NOX5: variants seen among roughly 807,000 people sequenced by gnomAD.
The protein encoded by NOX5 is NADPH oxidase 5.
A neutral mutation model predicts 85.7 loss-of-function variants in NOX5; 76 were observed. The ratio of observed to expected loss-of-function variants is 0.89; its 90% CI spans 0.74 to 1.07. NOX5 has a LOEUF of 1.07. Ranked by LOEUF, NOX5 falls within the 50% of genes least tolerant of loss-of-function variation. The probability of loss-of-function intolerance (pLI) is 0.00; values close to 1 mark genes in which losing one functional copy is unlikely to be tolerated. For synonymous variants in NOX5, 405 were observed against 401.4 expected, an observed-to-expected ratio of 1.01 and a Z score of -0.11; for missense variants, 973 against 999.5, an observed-to-expected ratio of 0.97 and a Z score of 0.36.
At chr15:69,036,191 G>A (rs972653761) in intron 7 of NOX5, among the ~76,000 whole-genome samples, 2 of 152,164 alleles carry the variant, frequency 1.3e-5, no homozygotes, top group African/African-American at 4.8e-5. Context: ...ATTAAGTTGG[G>A]CTTAAAACAG....
rs774389114 is a variant in NOX5, at chr15:69,055,374, G to A, written c.2040G>A (p.Leu680=). ...TGCATATGTACATGACATCTGCACTGGGCAAGAATGACATGAAGGCCATTG... is the reference window on the plus strand; with the variant it reads ...TGCATATGTACATGACATCTGCACTAGGCAAGAATGACATGAAGGCCATTG... ...LELHMYMTSA[L]GKNDMKAIGL... is the part of the protein sequence containing the mutation. The change falls in exon 15 of 16, where the codon CTG becomes CTA. Residue 680 remains leucine, a synonymous_variant. Transcript: ENST00000388866. The A allele has an allele frequency of 1.9e-6, 3 of 1,614,064 alleles. No homozygotes were observed. Among genetic ancestry groups the A allele is most frequent in the Non-Finnish European group, 2.5e-6 (3 of 1,180,046 alleles).
Position 69,037,053 on chromosome 15 carries a change from A to G in NOX5, c.1214A>G (p.Tyr405Cys). The change falls in exon 8 of 16, where the codon TAC becomes TGC. Residue 405 changes from tyrosine to cysteine, a missense_variant. By Grantham distance (194) the Tyr-to-Cys change is radical. Transcript: ENST00000388866. ...FEVFYWTHLSYLLVWLLLIFH... is the reference protein window; with the variant it reads ...FEVFYWTHLSCLLVWLLLIFH... ...GTGTTCTATTGGACTCACCTGTCCT[A>G]CCTCCTCGTGTGGCTTCTGCTCATC... The G allele has an allele frequency of 6.2e-7, 1 of 1,611,470 alleles. No individual in the cohort carries two copies. Among genetic ancestry groups the G allele is most frequent in the Non-Finnish European group, 8.5e-7 (1 of 1,179,212 alleles).
At chr15:69,044,928 T>A (rs924128049) in intron 10 of NOX5, among the ~76,000 whole-genome samples, 1 of 152,372 alleles carries the variant, frequency 6.6e-6, no homozygotes, top group Admixed American at 6.5e-5. Context: ...TCCAAGGATG[T>A]CACTGGAGCT....
At chr15:69,050,547 C>T (rs529164483) in intron 14 of NOX5, among the ~76,000 whole-genome samples, 4 of 152,256 alleles carry the variant, frequency 2.6e-5, no homozygotes, top group South Asian at 2.1e-4. Context: ...CCCGCCTCCA[C>T]GCCAGGCTAA....
intron 10 of NOX5, among the ~76,000 whole-genome samples, chr15:69,045,173 A>T (rs1567104766): frequency 1.3e-5 from 2 of 152,226 alleles, no homozygotes; most frequent in Admixed American, 6.5e-5. Context: ...ATGACACATC[A>T]CTTGGATGTC....
intron 10 of NOX5, among the ~76,000 whole-genome samples, chr15:69,045,539 T>TCTTTCTTTCTTTCTTTCTTTCTTTCTTC (rs2050654463): frequency 2.4e-5 from 3 of 122,466 alleles, no homozygotes; most frequent in African/African-American, 1.1e-4. Flanking sequence ...CTTTCTTTTT[T>TCTTTCTTTCTTTCTTTCTTTCTTTCTTC]CTTTCTTTCT....
At chr15:69,049,200 T>G (rs2050716336) in intron 14 of NOX5, 142 bp downstream of exon 14, 2 of 474,408 alleles carry the variant, frequency 4.2e-6, no homozygotes, top group Non-Finnish European at 7.2e-6. Flanking sequence ...GTCTTTTTTT[T>G]TTTTTTTTTG....
At position 69,048,960 on chromosome 15, in the gene NOX5, T is replaced by A. The variant is rs1384590011; in HGVS notation, c.1901T>A (p.Val634Glu). Residue 634 changes from valine (V) to glutamate (E), a missense_variant and splice_region_variant, in exon 14 of 16, where the codon GTG becomes GAG. Transcript: ENST00000388866. ...GVQDNMKLHK[V>E]DFIWINRDQR... ...GAGCTGAAGGGCCTCTCTCCGTAGG[T>A]GGACTTTATCTGGATCAACAGAGAC... The A allele has an allele frequency of 6.2e-7, 1 of 1,610,522 alleles. No individual in the cohort carries two copies. The highest frequency in any genetic ancestry group is 1.7e-5 in the Admixed American group (1 of 59,820).
In NOX5 at chr15:69,057,941, A is replaced by C. The variant is rs1190736180; in HGVS notation, c.*1245A>C. ...CAGAGGCAGCAAAGGCTCTCTCAGCACATACTGTGGGGAGGAGCGGCCCTG... is the reference window on the plus strand; with the variant it reads ...CAGAGGCAGCAAAGGCTCTCTCAGCCCATACTGTGGGGAGGAGCGGCCCTG... On this transcript the variant is annotated 3_prime_UTR_variant, in exon 16 of 16. Coordinates refer to ENST00000388866, the MANE Select transcript of NOX5 (RefSeq NM_024505.4). The C allele has an allele frequency of 6.6e-6, 1 of 152,344 alleles. No individual in the cohort carries two copies. Among genetic ancestry groups the C allele is most frequent in the African/African-American group, 2.4e-5 (1 of 41,452 alleles). The allele number at this position is 152,344 out of a possible 1,614,324, so 9.4% of individuals were successfully genotyped here.
At chr15:69,048,220 C>G (rs568154502) in intron 13 of NOX5, among the ~76,000 whole-genome samples, 9 of 152,300 alleles carry the variant, frequency 5.9e-5, no homozygotes, top group African/African-American at 2.2e-4. Context: ...TATCCATGAC[C>G]CTATGGTGGT....
intron 12 of NOX5, 146 bp downstream of exon 12, chr15:69,047,683 C>T: frequency 7.5e-7 from 1 of 1,332,468 alleles, no homozygotes. Flanking sequence ...TGCTCTGCCC[C>T]CCTCTCCTTT....
At chr15:69,045,317 A>T (rs969624140) in intron 10 of NOX5, among the ~76,000 whole-genome samples, 3 of 152,254 alleles carry the variant, frequency 2.0e-5, no homozygotes, top group Non-Finnish European at 4.4e-5. Flanking sequence ...AAGTCATAAG[A>T]TTATTATCTC....
chr15:69,061,025 C>G lies in NOX5; in HGVS notation c.*4329C>G, dbSNP rs1035622844. ...GGCAAAGGAGGACTTGAATGTTTTC[C>G]TCTTATCTGTTTCCTGTATTTGTGT... is the stretch of plus-strand genomic sequence containing the variant. On this transcript the variant is annotated 3_prime_UTR_variant, in exon 16 of 16. Transcript: ENST00000388866. The G allele has an allele frequency of 2.0e-5, 3 of 152,246 alleles. No individual in the cohort carries two copies. Among genetic ancestry groups the G allele is most frequent in the African/African-American group, 7.2e-5 (3 of 41,460 alleles). 9.4% of individuals were successfully genotyped at this position (152,246 alleles called of 1,614,324 possible).
At position 69,047,482 on chromosome 15, in the gene NOX5, G is replaced by C; in HGVS notation, c.1762G>C (p.Gly588Arg). The change falls in exon 12 of 16, where the codon GGG becomes CGG. Residue 588 changes from glycine to arginine, a missense_variant. Coordinates refer to ENST00000388866, the MANE Select transcript of NOX5 (RefSeq NM_024505.4). ...IFASEHAVLI[G>R]AGIGITPFAS... ...TGCCTCTGAGCATGCCGTGCTCATC[G>C]GGGCAGGCATCGGCATCACCCCCTT... 1 of 1,613,900 alleles carries C rather than the reference G, an allele frequency of 6.2e-7. No individual in the cohort carries two copies. The highest frequency in any genetic ancestry group is 8.5e-7 in the Non-Finnish European group (1 of 1,179,970).
chr15:69,045,609 CT>C (rs2050663188), intron 10 of NOX5, among the ~76,000 whole-genome samples: 2 of 44,124 alleles, frequency 4.5e-5, no homozygotes, highest in South Asian at 1.4e-3. Flanking sequence ...TTTTTTTTTT[CT>C]CTCTCTCTCT....
At chr15:69,015,309 GTCTCT>G (rs904115927) in intron 1 of NOX5, among the ~76,000 whole-genome samples, 4 of 152,112 alleles carry the variant, frequency 2.6e-5, no homozygotes, top group African/African-American at 9.7e-5. Flanking sequence ...GGCTGTCCCA[GTCTCT>G]TCTCAGCCCC....
Position 69,031,714 on chromosome 15 carries a change from C to CA in NOX5, c.522_523insA (p.Glu175ArgfsTer222), listed in dbSNP as rs2050435730. On this transcript the variant is annotated frameshift_variant, in exon 4 of 16. Transcript: ENST00000388866. LOFTEE classifies it high-confidence loss of function. Reference sequence around the variant, plus strand: ...TGGACCAGCTGACGCTGGCGCTCTTCGAATCGGCCGACGCGGACGGCAACG... The same window carrying CA: ...TGGACCAGCTGACGCTGGCGCTCTTCAGAATCGGCCGACGCGGACGGCAACG... The CA allele has an allele frequency of 6.2e-7, 1 of 1,612,888 alleles. No individual in the cohort carries two copies. Among genetic ancestry groups the CA allele is most frequent in the African/African-American group, 1.3e-5 (1 of 74,952 alleles).
At chr15:69,045,582 T>TTTTCTTTCTTTCTTCCC (rs2050660389) in intron 10 of NOX5, among the ~76,000 whole-genome samples, 1 of 44,288 alleles carries the variant, frequency 2.3e-5, no homozygotes, top group African/African-American at 1.1e-4. Flanking sequence ...CCTTTCTTTC[T>TTTTCTTTCTTTCTTCCC]TTTCTTTCTT....
In NOX5 at chr15:69,047,504, C is replaced by T. The variant is rs138054307; in HGVS notation, c.1784C>T (p.Pro595Leu). 2.5e-6 allele frequency: 4 copies of T among 1,614,042 alleles called. No individual in the cohort carries two copies. Among genetic ancestry groups the T allele is most frequent in the South Asian group, 1.1e-5 (1 of 91,076 alleles). ...VLIGAGIGITPFASILQSIMY... is the reference protein window; with the variant it reads ...VLIGAGIGITLFASILQSIMY... ...ATCGGGGCAGGCATCGGCATCACCC[C>T]CTTTGCTTCCATTCTGCAGAGTATC... The change falls in exon 12 of 16, where the codon CCC becomes CTC. Residue 595 changes from proline to leucine, a missense_variant. Coordinates refer to ENST00000388866, the MANE Select transcript of NOX5 (RefSeq NM_024505.4).
Sources: allele counts gnomAD v4.1 joint callset (sites outside exome capture counted in the v4.1 genomes callset), GRCh38; gene constraint gnomAD v4.1.1; transcripts MANE v1.5; gene names NCBI Gene and HGNC (gene_info 2026-07-23, HGNC 2026-07-21).